PELP1: variants seen among roughly 807,000 people sequenced by gnomAD.
PELP1 encodes proline, glutamate and leucine rich protein 1.
A neutral mutation model predicts 95.5 loss-of-function variants in PELP1; 32 were observed. The ratio of observed to expected loss-of-function variants is 0.34; its 90% CI spans 0.25 to 0.45. The LOEUF is 0.45. Ranked by LOEUF, PELP1 falls within the 20% of genes least tolerant of loss-of-function variation. The pLI is 1.00. For synonymous variants in PELP1, 668 were observed against 600.1 expected (o/e 1.11, Z -1.65); for missense variants, 1,358 against 1,444.8 (o/e 0.94, Z 0.97).
chr17:4,691,464 A>G (rs370007024), intron 1 of PELP1, 22 bp from the exon 2 acceptor site: 15 of 1,591,834 alleles, frequency 9.4e-6, no homozygotes, highest in African/African-American at 4.0e-5. Flanking sequence ...AAAACAGGGA[A>G]GCGAGTCACA....
At position 4,704,013 on chromosome 17, in the gene PELP1, G is replaced by A; in HGVS notation, c.99C>T (p.Leu33=). 6.2e-7 allele frequency: 1 copy of A among 1,613,222 alleles called. No individual in the cohort carries two copies. The highest frequency in any genetic ancestry group is 8.5e-7 in the Non-Finnish European group (1 of 1,179,736). The change falls in exon 1 of 17, where the codon CTC becomes CTT. Residue 33 remains leucine (L), a synonymous_variant. Transcript: ENST00000572293. The stretch of plus-strand genomic sequence containing the variant: ...AAACACTCTCCAGCAGCAGCAGGCG[G>A]AGCCGCGGGCCCGAGCTCACTGCCG... ...GLSAVSSGPR[L]RLLLLESVSG...
intron 3 of PELP1, among the ~76,000 whole-genome samples, chr17:4,684,084 A>G (rs1296280814): frequency 6.6e-6 from 1 of 151,996 alleles, no homozygotes; most frequent in Non-Finnish European, 1.5e-5. Flanking sequence ...TGGAGAAAAA[A>G]CAATTTGAAT....
intron 1 of PELP1, among the ~76,000 whole-genome samples, chr17:4,700,775 A>G (rs145682158): frequency 1.3e-5 from 2 of 151,772 alleles, no homozygotes; most frequent in Non-Finnish European, 2.9e-5. Flanking sequence ...AAAAATTTTT[A>G]AATTAGCCAG....
intron 3 of PELP1, among the ~76,000 whole-genome samples, chr17:4,684,401 A>C (rs1455855759): frequency 6.6e-6 from 1 of 152,218 alleles, no homozygotes; most frequent in African/African-American, 2.4e-5. Context: ...AATTACAAGT[A>C]ACTATAAAAA....
chr17:4,681,362 GTAATCCCAGCTACTTGCATACATCT>G (rs1912678557), intron 5 of PELP1, among the ~76,000 whole-genome samples: 2 of 146,924 alleles, frequency 1.4e-5, no homozygotes, highest in Admixed American at 1.4e-4. Flanking sequence ...GCATATGTCA[GTAATCCCAGCTACTTGCATACATCT>G]GTAATCCCAG....
At chr17:4,677,423 G>A (rs976054353) in intron 5 of PELP1, among the ~76,000 whole-genome samples, 1 of 152,186 alleles carries the variant, frequency 6.6e-6, no homozygotes, top group South Asian at 2.1e-4. Context: ...ACTCCCACTA[G>A]CCTATTTGTA....
chr17:4,671,993 C>T lies in PELP1; in HGVS notation c.2998G>A (p.Glu1000Lys), dbSNP rs1261270026. 5.8e-6 allele frequency: 9 copies of T among 1,550,000 alleles called. No individual in the cohort carries two copies. The highest frequency in any genetic ancestry group is 2.3e-5 in the East Asian group (1 of 44,396). The change falls in exon 16 of 17, where the codon GAA (glutamate) becomes AAA (lysine). Residue 1000 changes from glutamate (E) to lysine (K), a missense_variant. Transcript: ENST00000572293. ...ESPPKVQPEP[E>K]PEPGLLLEVE... Reference sequence around the variant, plus strand: ...TCCAAAAGCAGCCCGGGTTCAGGTTCGGGTTCTGGCTGCACCTTTGGGGGA... The same window carrying T: ...TCCAAAAGCAGCCCGGGTTCAGGTTTGGGTTCTGGCTGCACCTTTGGGGGA...
rs8078044 is a variant in PELP1 at position 4,670,699 on chromosome 17, G to A, written c.*740C>T. The A allele has an allele frequency of 0.24, 36,074 of 151,846 alleles. 4,580 individuals are homozygous for A. Among genetic ancestry groups the A allele is most frequent in the Middle Eastern group, 0.37 (112 of 302 alleles). 9.4% of individuals were successfully genotyped at this position (151,846 alleles called of 1,614,324 possible). A position where few individuals can be genotyped will look rare whatever the true frequency, so the allele number is the denominator to read the frequency against. Reference sequence around the variant, plus strand: ...CATGCCACTGCACTCCAGCCTGGGCGACAGAGCAGGAGTCCATCTCAAAAA... The same window carrying A: ...CATGCCACTGCACTCCAGCCTGGGCAACAGAGCAGGAGTCCATCTCAAAAA... On this transcript the variant is annotated 3_prime_UTR_variant, in exon 17 of 17. Transcript: ENST00000572293.
chr17:4,681,611 C>T (rs548831868), intron 5 of PELP1, among the ~76,000 whole-genome samples: 4 of 151,742 alleles, frequency 2.6e-5, no homozygotes, highest in Admixed American at 2.6e-4. Flanking sequence ...ACCATCCTGG[C>T]CAACATGATG....
intron 1 of PELP1, among the ~76,000 whole-genome samples, chr17:4,695,795 G>A (rs780257959): frequency 6.7e-6 from 1 of 149,766 alleles, no homozygotes; most frequent in Non-Finnish European, 1.5e-5. Flanking sequence ...CCTTGCCAAC[G>A]TGGCGAAACT....
At chr17:4,678,571 T>C (rs536334075) in intron 5 of PELP1, among the ~76,000 whole-genome samples, 1 of 152,324 alleles carries the variant, frequency 6.6e-6, no homozygotes, top group East Asian at 1.9e-4. Context: ...AACCACAGGT[T>C]ACCCTGGCTG....
rs1048006907 is a variant in PELP1 at position 4,674,852 on chromosome 17, G to C, written c.1379C>G (p.Thr460Ser). The C allele has an allele frequency of 1.2e-5, 19 of 1,613,370 alleles. No homozygotes were observed. Among genetic ancestry groups the C allele is most frequent in the Non-Finnish European group, 1.5e-5 (18 of 1,179,718 alleles). ...CGGGGAGATGTCGCTGAGCAGGTGG[G>C]TGAGCAGGGCCTCTCCAGAGGCTCC... ...QGGASGEALLTHLLSDISPPA... is the reference protein window; with the variant it reads ...QGGASGEALLSHLLSDISPPA... The change falls in exon 12 of 17, where the codon ACC becomes AGC. Residue 460 changes from threonine to serine, a missense_variant. Thr to Ser is a moderately conservative substitution (Grantham distance 58). Coordinates refer to ENST00000572293, the MANE Select transcript of PELP1 (RefSeq NM_014389.3).
At position 4,674,959 on chromosome 17, in the gene PELP1, G is replaced by A; in HGVS notation, c.1275-3C>T. ...CATACACCTTGGTCCGAACCGTGCT[G>A]TGTCATGAGCAAAGATGGCAGTTAT... On this transcript the variant is annotated splice_region_variant and splice_polypyrimidine_tract_variant and intron_variant, in intron 11 of 16. Transcript: ENST00000572293. 4.3e-6 allele frequency: 7 copies of A among 1,609,372 alleles called. No homozygotes were observed. The highest frequency in any genetic ancestry group is 6.0e-6 in the Non-Finnish European group (7 of 1,176,456).
At chr17:4,683,761 A>AGTCAAGT (rs1339797197) in intron 3 of PELP1, among the ~76,000 whole-genome samples, 2 of 90,060 alleles carry the variant, frequency 2.2e-5, no homozygotes, top group Non-Finnish European at 4.6e-5. Context: ...GAACTCTGGG[A>AGTCAAGT]GTCAAGTGAT....
chr17:4,671,327 G>C lies in PELP1; in HGVS notation c.*112C>G. The C allele has an allele frequency of 1.4e-6, 1 of 696,374 alleles. No individual in the cohort carries two copies. The highest frequency in any genetic ancestry group is 2.6e-6 in the Non-Finnish European group (1 of 380,378). The allele number at this position is 696,374 out of a possible 1,614,324, so 43.1% of individuals were successfully genotyped here. A position where few individuals can be genotyped will look rare whatever the true frequency, so the allele number is the denominator to read the frequency against. On this transcript the variant is annotated 3_prime_UTR_variant, in exon 17 of 17. Transcript: ENST00000572293. ...TACTATGGACACCCTGAAAAGCCCAGCAGACACTTGAGCTTCTGGCTGGGG... is the reference window on the plus strand; with the variant it reads ...TACTATGGACACCCTGAAAAGCCCACCAGACACTTGAGCTTCTGGCTGGGG...
intron 1 of PELP1, among the ~76,000 whole-genome samples, chr17:4,697,215 C>CGAGAGGAGAG (rs56104723): frequency 1.3e-5 from 2 of 151,752 alleles, no homozygotes; most frequent in Non-Finnish European, 2.9e-5. Context: ...ACAGGAGAAT[C>CGAGAGGAGAG]GAGAGGAGAG....
chr17:4,693,757 T>C (rs1376224720), intron 1 of PELP1, among the ~76,000 whole-genome samples: 1 of 152,220 alleles, frequency 6.6e-6, no homozygotes, highest in African/African-American at 2.4e-5. Flanking sequence ...CTGCTCAGAA[T>C]GGCACGTAAT....
chr17:4,676,340 G>T lies in PELP1; in HGVS notation c.853+17C>A. ...TTCCTCACTATTGTTCCACTAACTA[G>T]CAGCCCTGGTCCCTACCAGTCTCTG... On this transcript the variant is annotated intron_variant, in intron 7 of 16. Transcript: ENST00000572293. 1 of 1,610,392 alleles carries T rather than the reference G, an allele frequency of 6.2e-7. No homozygotes were observed. Among genetic ancestry groups the T allele is most frequent in the Non-Finnish European group, 8.5e-7 (1 of 1,177,596 alleles).
intron 5 of PELP1, among the ~76,000 whole-genome samples, chr17:4,681,383 C>G (rs1912679699): frequency 6.6e-6 from 1 of 151,602 alleles, no homozygotes; most frequent in Non-Finnish European, 1.5e-5. Context: ...TACTTGCATA[C>G]ATCTGTAATC....
Sources: gnomAD v4.1 joint callset for allele counts (sites outside exome capture counted in the v4.1 genomes callset) on GRCh38, gnomAD v4.1.1 for gene constraint, MANE v1.5 for transcripts, NCBI Gene and HGNC (gene_info 2026-07-23, HGNC 2026-07-21) for gene names.